The following DZIP3 variants were observed in gnomAD, a reference collection of about 807,000 sequenced individuals.
The protein encoded by DZIP3 is DAZ interacting zinc finger protein 3, also known as E3 ubiquitin-protein ligase DZIP3.
Under a neutral mutation model 162.0 loss-of-function variants are expected in DZIP3, and 118 were observed. The ratio of observed to expected loss-of-function variants is 0.73; its 90% CI spans 0.63 to 0.85. DZIP3 has a LOEUF of 0.85. DZIP3 is among the 40% of genes least tolerant of loss of function. DZIP3 has a pLI of 0.00. For synonymous variants in DZIP3, 438 were observed against 458.6 expected, an observed-to-expected ratio of 0.96 and a Z score of 0.57; for missense variants, 1,331 against 1,407.0, an observed-to-expected ratio of 0.95 and a Z score of 0.86.
At position 108,616,543 on chromosome 3, in the gene DZIP3, A is replaced by G. The variant is rs1266525361; in HGVS notation, c.261A>G (p.Arg87=). The G allele has an allele frequency of 6.2e-7, 1 of 1,602,836 alleles. No homozygotes were observed. The highest frequency in any genetic ancestry group is 1.3e-5 in the African/African-American group (1 of 74,184). ...TTTAACTGAATAATTTTCCACAGAG[A>G]GAAGTTGCAGCTAACAGCCAGAATG... ...QEDFSFQTMQ[R]EVAANSQNGE... The change falls in exon 5 of 33, where the codon AGA becomes AGG. Residue 87 remains arginine, a splice_region_variant and synonymous_variant. Coordinates refer to ENST00000361582, the MANE Select transcript of DZIP3 (RefSeq NM_014648.4).
chr3:108,647,510 A>C (rs1942682917), intron 15 of DZIP3, among the ~76,000 whole-genome samples: 1 of 152,208 alleles, frequency 6.6e-6, no homozygotes, highest in East Asian at 1.9e-4. Context: ...GTCACATAAT[A>C]GGGGGCTCAC....
chr3:108,617,547 A>G (rs756381190), intron 5 of DZIP3, among the ~76,000 whole-genome samples: 2 of 152,324 alleles, frequency 1.3e-5, no homozygotes, highest in Non-Finnish European at 2.9e-5. Flanking sequence ...TTTAGAAATA[A>G]ATAGGGTTAT....
intron 26 of DZIP3, among the ~76,000 whole-genome samples, chr3:108,680,819 T>G (rs1272913670): frequency 6.6e-6 from 1 of 152,150 alleles, no homozygotes; most frequent in Non-Finnish European, 1.5e-5. Context: ...AACCATCTGA[T>G]CTTTGACAAA....
At chr3:108,612,199 G>C (rs987419952) in intron 4 of DZIP3, among the ~76,000 whole-genome samples, 3 of 152,072 alleles carry the variant, frequency 2.0e-5, no homozygotes, top group Non-Finnish European at 4.4e-5. Context: ...CAATTAACTA[G>C]AGAAGAGAAG....
rs1031618804 is a variant in DZIP3 at position 108,693,720 on chromosome 3, C to G, written c.*367C>G. The G allele has an allele frequency of 1.3e-5, 2 of 152,132 alleles. No homozygotes were observed. Among genetic ancestry groups the G allele is most frequent in the Non-Finnish European group, 2.9e-5 (2 of 68,024 alleles). 9.4% of individuals were successfully genotyped at this position (152,132 alleles called of 1,614,324 possible). A position where few individuals can be genotyped will look rare whatever the true frequency, so the allele number is the denominator to read the frequency against. Reference sequence around the variant, plus strand: ...AGGAGTTAATATGCAAACTAAATCACTCGCTCAATTGAATAATTGAGATCT... The same window carrying G: ...AGGAGTTAATATGCAAACTAAATCAGTCGCTCAATTGAATAATTGAGATCT... On this transcript the variant is annotated 3_prime_UTR_variant, in exon 33 of 33. Coordinates refer to ENST00000361582, the MANE Select transcript of DZIP3 (RefSeq NM_014648.4).
intron 15 of DZIP3, among the ~76,000 whole-genome samples, chr3:108,647,348 A>G (rs1220527845): frequency 6.6e-6 from 1 of 152,000 alleles, no homozygotes; most frequent in East Asian, 1.9e-4. Flanking sequence ...TGTAATTAAT[A>G]TTATTCAATT....
At chr3:108,622,876 C>CTGTGTG (rs772538913) in intron 5 of DZIP3, among the ~76,000 whole-genome samples, 6 of 87,346 alleles carry the variant, frequency 6.9e-5, no homozygotes, top group African/African-American at 1.9e-4. Context: ...CTCTCTCTCT[C>CTGTGTG]TCTCTGTGTG....
chr3:108,628,497 G>T (rs929348766), intron 7 of DZIP3, among the ~76,000 whole-genome samples: 2 of 152,130 alleles, frequency 1.3e-5, no homozygotes, highest in African/African-American at 4.8e-5. Context: ...TTCATTTTCA[G>T]CATAGTCTGC....
intron 1 of DZIP3, among the ~76,000 whole-genome samples, chr3:108,595,502 A>G (rs1939668089): frequency 6.6e-6 from 1 of 152,152 alleles, no homozygotes; most frequent in South Asian, 2.1e-4. Context: ...GACATGAGCC[A>G]CCACACCCAC....
At chr3:108,627,196 AAT>A (rs1201283386) in intron 7 of DZIP3, among the ~76,000 whole-genome samples, 1 of 152,212 alleles carries the variant, frequency 6.6e-6, no homozygotes, top group Non-Finnish European at 1.5e-5. Context: ...AAGAACAAAG[AAT>A]ATATCCTGCT....
At chr3:108,654,873 T>G (rs1453938134) in intron 19 of DZIP3, among the ~76,000 whole-genome samples, 1 of 152,194 alleles carries the variant, frequency 6.6e-6, no homozygotes, top group Non-Finnish European at 1.5e-5. Flanking sequence ...AACTATTTTT[T>G]TACCTACTAA....
In DZIP3 at chr3:108,688,684, G is replaced by T. The variant is rs1352558011; in HGVS notation, c.3362G>T (p.Trp1121Leu). ...GCTGCCCAGCCCCCAAAACCAGCCT[G>T]GAGGCCACTCACTTCACAGGGTCCT... ...PDAAQPPKPA[W>L]RPLTSQGPAT... is the part of the protein sequence containing the mutation. Residue 1121 changes from tryptophan (W) to leucine (L), a missense_variant, in exon 30 of 33, where the codon TGG (tryptophan) becomes TTG (leucine). By Grantham distance (61) the Trp-to-Leu change is moderately conservative. Around this residue, in one of 2 missense-constraint regions of DZIP3, gnomAD observed 1,278 missense variants for 1,317.1 expected, o/e 0.97. Coordinates refer to ENST00000361582, the MANE Select transcript of DZIP3 (RefSeq NM_014648.4). 6.2e-7 allele frequency: 1 copy of T among 1,614,100 alleles called. No homozygotes were observed.
At chr3:108,589,659 G>A, upstream of DZIP3, 1 of 300,210 alleles carries the variant, frequency 3.3e-6, no homozygotes, top group South Asian at 5.7e-5. Flanking sequence ...CTGAGATCCC[G>A]TGAAGGCGAG....
chr3:108,674,317 GT>G (rs1027684920), intron 24 of DZIP3, 136 bp downstream of exon 24: 12 of 642,548 alleles, frequency 1.9e-5, no homozygotes, highest in African/African-American at 1.3e-4. Context: ...GTTTTTTTGG[GT>G]TTTTTTTCAT....
intron 5 of DZIP3, among the ~76,000 whole-genome samples, chr3:108,623,278 G>A (rs1434996962): frequency 6.6e-6 from 1 of 151,998 alleles, no homozygotes; most frequent in Non-Finnish European, 1.5e-5. Context: ...GAATGTGTTG[G>A]GTCACATCTG....
intron 15 of DZIP3, 84 bp from the exon 16 acceptor site, chr3:108,647,858 GC>G (rs1433924979): frequency 9.0e-7 from 1 of 1,111,158 alleles, no homozygotes; most frequent in Non-Finnish European, 1.3e-6. Context: ...TGTGAATGTT[GC>G]TTTTTTGGGC....
At chr3:108,664,303 C>T (rs1402245802) in intron 21 of DZIP3, among the ~76,000 whole-genome samples, 1 of 152,206 alleles carries the variant, frequency 6.6e-6, no homozygotes, top group Admixed American at 6.5e-5. Flanking sequence ...CGTACTGCAG[C>T]CACACACCAG....
intron 18 of DZIP3, among the ~76,000 whole-genome samples, chr3:108,651,682 C>T (rs529611207): frequency 1.3e-5 from 2 of 151,692 alleles, no homozygotes; most frequent in South Asian, 4.1e-4. Flanking sequence ...CAGTTATTCA[C>T]AGTGAATTTT....
chr3:108,591,497 C>T (rs115561182), intron 1 of DZIP3, among the ~76,000 whole-genome samples: 4 of 152,332 alleles, frequency 2.6e-5, no homozygotes, highest in Non-Finnish European at 5.9e-5. Context: ...TGGATTTTGA[C>T]TTAAGCAGTC....
Sources: allele counts gnomAD v4.1 joint callset (sites outside exome capture counted in the v4.1 genomes callset), GRCh38; gene constraint gnomAD v4.1.1; regional missense constraint gnomAD v4.1.1; transcripts MANE v1.5; gene names NCBI Gene and HGNC (gene_info 2026-07-23, HGNC 2026-07-21).